Variants in NARS2 observed in about 807,000 individuals in gnomAD.
The protein encoded by NARS2 is asparaginyl-tRNA synthetase.
In NARS2, 60 loss-of-function variants were observed where a neutral mutation model predicts 62.9. The observed-to-expected ratio is 0.95, with a 90% CI of 0.77 to 1.18. The LOEUF is 1.18. Ranked by LOEUF, NARS2 falls within the 50% of genes most tolerant of loss-of-function variation. The probability of loss-of-function intolerance (pLI) is 0.00; values close to 1 mark genes in which losing one functional copy is unlikely to be tolerated. For missense variants in NARS2, 619 were observed against 576.4 expected (o/e 1.07, Z -0.76); for synonymous variants, 196 against 200.0 (o/e 0.98, Z 0.17).
At chr11:78,513,310 A>C (rs970717949) in intron 6 of NARS2, among the ~76,000 whole-genome samples, 2 of 151,596 alleles carry the variant, frequency 1.3e-5, no homozygotes, top group Non-Finnish European at 2.9e-5. Context: ...GCAATCAAAT[A>C]TTAAGTATAA....
intron 9 of NARS2, among the ~76,000 whole-genome samples, chr11:78,470,857 G>A (rs1257611916): frequency 6.8e-6 from 1 of 146,714 alleles, no homozygotes; most frequent in Non-Finnish European, 1.5e-5. Flanking sequence ...TAAATTACAG[G>A]TAAAATACTG....
chr11:78,549,888 G>C (rs918709063), intron 5 of NARS2, among the ~76,000 whole-genome samples: 1 of 152,042 alleles, frequency 6.6e-6, no homozygotes, highest in African/African-American at 2.4e-5. Flanking sequence ...CTTGTATCTA[G>C]AATATATAAA....
chr11:78,517,067 CA>C (rs918209072), intron 6 of NARS2, among the ~76,000 whole-genome samples: 2 of 151,420 alleles, frequency 1.3e-5, no homozygotes, highest in African/African-American at 4.9e-5. Flanking sequence ...AAATTCCAGG[CA>C]AAAAAACAGC....
intron 6 of NARS2, among the ~76,000 whole-genome samples, chr11:78,520,436 G>A (rs1861072468): frequency 6.6e-6 from 1 of 152,146 alleles, no homozygotes; most frequent in Non-Finnish European, 1.5e-5. Flanking sequence ...ACTGGATTTA[G>A]GGCACACCCT....
At chr11:78,568,799 C>A (rs747420624) in intron 2 of NARS2, 47 bp from the exon 3 acceptor site, 1 of 1,433,444 alleles carries the variant, frequency 7.0e-7, no homozygotes. Context: ...TATATACAAC[C>A]TTCATTTTAA....
rs1857073764 is a variant in NARS2 at position 78,574,843 on chromosome 11, G to A, written c.-355C>T. On this transcript the variant is annotated 5_prime_UTR_variant, in exon 1 of 14. Transcript: ENST00000281038. ...ACCACTCCTACCACACCACGCCAAC[G>A]CCGCTTACGTCATCACGCTACGGGG... 8.6e-6 allele frequency: 2 copies of A among 232,718 alleles called. No individual in the cohort carries two copies. Among genetic ancestry groups the A allele is most frequent in the South Asian group, 7.2e-5 (1 of 13,808 alleles). The allele number at this position is 232,718 out of a possible 1,614,324, so 14.4% of individuals were successfully genotyped here.
intron 6 of NARS2, among the ~76,000 whole-genome samples, chr11:78,510,645 A>G (rs752244415): frequency 1.3e-5 from 2 of 152,116 alleles, no homozygotes; most frequent in Admixed American, 6.5e-5. Context: ...CAAAATTTTC[A>G]TATGTGCATG....
intron 6 of NARS2, among the ~76,000 whole-genome samples, chr11:78,508,790 G>T (rs1206896755): frequency 6.6e-6 from 1 of 152,042 alleles, no homozygotes; most frequent in African/African-American, 2.4e-5. Flanking sequence ...CATGAAAGTA[G>T]GAAGAGAGAA....
At chr11:78,493,282 A>G (rs1027910015) in intron 6 of NARS2, 87 bp from the exon 7 acceptor site, 1 of 1,351,536 alleles carries the variant, frequency 7.4e-7, no homozygotes, top group Non-Finnish European at 1.0e-6. Flanking sequence ...TACGGAAAAT[A>G]AAGTTTTGTG....
rs187360454 is a variant in NARS2 at position 78,541,031 on chromosome 11, C to T, written c.595-12095G>A. On this transcript the variant is annotated intron_variant, in intron 5 of 13. Coordinates refer to ENST00000281038, the MANE Select transcript of NARS2 (RefSeq NM_024678.6). ...AAAATTAGCCAGGCGTGGTGGCGCA[C>T]GCCTGTATTCCCAGCTACTTGGGAG... Among the ~76,000 whole-genome samples, 3 of 152,188 alleles carry T rather than the reference C, an allele frequency of 2.0e-5. No homozygotes were observed. In the East Asian group the frequency reaches 5.8e-4, roughly 29 times the overall value.
At chr11:78,489,308 T>C (rs1324662978) in intron 7 of NARS2, among the ~76,000 whole-genome samples, 2 of 152,074 alleles carry the variant, frequency 1.3e-5, no homozygotes, top group South Asian at 2.1e-4. Context: ...AGATGACATA[T>C]AGATGGCCAG....
intron 5 of NARS2, among the ~76,000 whole-genome samples, chr11:78,531,456 T>C (rs1861477282): frequency 6.6e-6 from 1 of 152,174 alleles, no homozygotes; most frequent in Non-Finnish European, 1.5e-5. Flanking sequence ...TGGTGGTTCC[T>C]TAAAAAGTTA....
intron 6 of NARS2, among the ~76,000 whole-genome samples, chr11:78,497,496 AC>A (rs1425016012): frequency 1.3e-5 from 2 of 152,062 alleles, no homozygotes; most frequent in African/African-American, 2.4e-5. Context: ...TTCCCAAACC[AC>A]CCCCAACCTC....
At chr11:78,450,154 A>C (rs1857915721) in intron 11 of NARS2, among the ~76,000 whole-genome samples, 1 of 152,196 alleles carries the variant, frequency 6.6e-6, no homozygotes, top group South Asian at 2.1e-4. Flanking sequence ...TGCACATAAA[A>C]CAGTTTTCCA....
At chr11:78,443,480 T>C (rs1241231969) in intron 12 of NARS2, among the ~76,000 whole-genome samples, 181 bp downstream of exon 12, 2 of 152,182 alleles carry the variant, frequency 1.3e-5, no homozygotes, top group Non-Finnish European at 2.9e-5. Context: ...AAGAGTTCCA[T>C]TCCTGAAGAA....
chr11:78,530,798 C>T (rs1202505726), intron 5 of NARS2, among the ~76,000 whole-genome samples: 1 of 152,160 alleles, frequency 6.6e-6, no homozygotes. Flanking sequence ...CATTTATCAG[C>T]ACTTGTACAG....
chr11:78,505,113 C>G (rs144476743), intron 6 of NARS2, among the ~76,000 whole-genome samples: 12 of 151,494 alleles, frequency 7.9e-5, no homozygotes, highest in African/African-American at 2.9e-4. Context: ...GAAATTCACA[C>G]CCACTGCATG....
chr11:78,462,529 T>C (rs1210851114), intron 11 of NARS2, among the ~76,000 whole-genome samples: 2 of 152,206 alleles, frequency 1.3e-5, no homozygotes, highest in South Asian at 2.1e-4. Flanking sequence ...ACACAGACTT[T>C]ATAAAACAGT....
At chr11:78,537,001 T>C (rs1008490718) in intron 5 of NARS2, among the ~76,000 whole-genome samples, 1 of 152,180 alleles carries the variant, frequency 6.6e-6, no homozygotes, top group Non-Finnish European at 1.5e-5. Context: ...CCTAGGGTAT[T>C]CAGTACAGCA....
Sources: allele counts gnomAD v4.1 joint callset (sites outside exome capture counted in the v4.1 genomes callset), GRCh38; gene constraint gnomAD v4.1.1; transcripts MANE v1.5; gene names NCBI Gene and HGNC (gene_info 2026-07-23, HGNC 2026-07-21).